UBE3D: variants seen among roughly 807,000 people sequenced by gnomAD.
The protein encoded by UBE3D is E3 ubiquitin-protein ligase E3D.
UBE3D carries 48 observed loss-of-function variants against 49.6 expected under a neutral mutation model. The ratio of observed to expected loss-of-function variants is 0.97; its 90% CI spans 0.77 to 1.23. UBE3D has a LOEUF of 1.23. Ranked by LOEUF, UBE3D falls within the 50% of genes most tolerant of loss-of-function variation. The pLI is 0.00. For synonymous variants in UBE3D, 189 were observed against 174.2 expected, an observed-to-expected ratio of 1.08 and a Z score of -0.67; for missense variants, 452 against 468.4, an observed-to-expected ratio of 0.96 and a Z score of 0.32.
At position 82,940,900 on chromosome 6, in the gene UBE3D, T is replaced by A. The variant is rs1440641180; in HGVS notation, c.1149+16412A>T. Among the ~76,000 whole-genome samples the A allele has an allele frequency of 2.0e-5, 3 of 152,242 alleles. No individual in the cohort carries two copies. The East Asian group carries it at 5.8e-4, about 29-fold the overall frequency. ...TTGTGTGTGCGTGTATAAGCAGATATTAAAAATAGGACTAAGAATTACTCT... is the reference window on the plus strand; with the variant it reads ...TTGTGTGTGCGTGTATAAGCAGATAATAAAAATAGGACTAAGAATTACTCT... On this transcript the variant is annotated intron_variant, in intron 9 of 9. Coordinates refer to ENST00000369747, the MANE Select transcript of UBE3D (RefSeq NM_198920.3).
chr6:83,016,883 G>C (rs1283342686), intron 8 of UBE3D, among the ~76,000 whole-genome samples: 1 of 152,066 alleles, frequency 6.6e-6, no homozygotes, highest in Non-Finnish European at 1.5e-5. Context: ...AGGCTGGGAG[G>C]CTAAGCCAAT....
intron 4 of UBE3D, 30 bp from the exon 5 acceptor site, chr6:83,038,515 T>A: frequency 1.3e-6 from 2 of 1,553,674 alleles, no homozygotes; most frequent in Non-Finnish European, 1.8e-6. Context: ...CATTTAAATG[T>A]CATTCAGCTT....
At chr6:83,021,624 T>C (rs550129729) in intron 7 of UBE3D, among the ~76,000 whole-genome samples, 2 of 151,876 alleles carry the variant, frequency 1.3e-5, no homozygotes, top group African/African-American at 2.4e-5. Context: ...CCCAGCATTT[T>C]GGGAGGCCGA....
chr6:82,995,949 C>A (rs1474460470), intron 8 of UBE3D, among the ~76,000 whole-genome samples: 1 of 152,068 alleles, frequency 6.6e-6, no homozygotes, highest in East Asian at 1.9e-4. Flanking sequence ...CACATGCAAT[C>A]CCAGCTACTG....
chr6:83,045,041 G>A (rs1782938410), intron 3 of UBE3D, among the ~76,000 whole-genome samples: 1 of 152,094 alleles, frequency 6.6e-6, no homozygotes, highest in South Asian at 2.1e-4. Flanking sequence ...TATTCCATAA[G>A]TACATCAAAA....
intron 9 of UBE3D, among the ~76,000 whole-genome samples, chr6:82,934,184 T>C (rs911397341): frequency 6.6e-6 from 1 of 152,176 alleles, no homozygotes; most frequent in African/African-American, 2.4e-5. Context: ...CCCACCGCCA[T>C]GTAAGACATG....
chr6:82,882,050 A>G, the UBE3D span, among the ~76,000 whole-genome samples: 1 of 152,112 alleles, frequency 6.6e-6, no homozygotes, highest in African/African-American at 2.4e-5. Flanking sequence ...TGCTCTCCAA[A>G]GGAACCGATT....
the UBE3D span, among the ~76,000 whole-genome samples, chr6:82,884,488 A>G: frequency 6.6e-6 from 1 of 152,154 alleles, no homozygotes; most frequent in Non-Finnish European, 1.5e-5. Flanking sequence ...TTCAATAGTA[A>G]GTGAGGATAA....
Position 82,947,442 on chromosome 6 carries a change from T to A in UBE3D, c.1149+9870A>T, listed in dbSNP as rs1287771094. On this transcript the variant is annotated intron_variant, in intron 9 of 9. Transcript: ENST00000369747. Reference sequence around the variant, plus strand: ...AACTTAATCTGCACTATGGACCAAATAAACCTAAAAGATACTTACAGAACA... The same window carrying A: ...AACTTAATCTGCACTATGGACCAAAAAAACCTAAAAGATACTTACAGAACA... Among the ~76,000 whole-genome samples, 3 of 152,066 alleles carry A rather than the reference T, an allele frequency of 2.0e-5. No individual in the cohort carries two copies. In the East Asian group the frequency reaches 5.8e-4, roughly 29 times the overall value.
intron 9 of UBE3D, among the ~76,000 whole-genome samples, chr6:82,917,304 GA>G (rs1772990300): frequency 6.6e-6 from 1 of 152,096 alleles, no homozygotes; most frequent in South Asian, 2.1e-4. Context: ...ACAGGAGGGG[GA>G]AGCCCCTGAG....
chr6:83,041,457 G>T lies in UBE3D; in HGVS notation c.597+2971C>A, dbSNP rs112412291. 9.7e-3 allele frequency among the ~76,000 whole-genome samples: 1,471 copies of T among 152,264 alleles called. 22 individuals are homozygous for T. The highest frequency in any genetic ancestry group is 0.034 in the African/African-American group (1,393 of 41,552). On this transcript the variant is annotated intron_variant, in intron 4 of 9. Transcript: ENST00000369747. Reference sequence around the variant, plus strand: ...GATAAAATCTGTATATGGCCTGGTAGTATATCATCAAGGAATAATTGTTAA... The same window carrying T: ...GATAAAATCTGTATATGGCCTGGTATTATATCATCAAGGAATAATTGTTAA...
At chr6:83,002,405 C>A (rs896989186) in intron 8 of UBE3D, among the ~76,000 whole-genome samples, 1 of 152,124 alleles carries the variant, frequency 6.6e-6, no homozygotes, top group African/African-American at 2.4e-5. Flanking sequence ...GGCTAGTGGG[C>A]CAAGCGTGTT....
intron 9 of UBE3D, among the ~76,000 whole-genome samples, chr6:82,940,905 A>C (rs1774960221): frequency 6.6e-6 from 1 of 152,202 alleles, no homozygotes; most frequent in South Asian, 2.1e-4. Flanking sequence ...AGATATTAAA[A>C]ATAGGACTAA....
At chr6:83,038,066 AAAG>A (rs200231709) in intron 5 of UBE3D, 3,200 of 155,354 alleles carry the variant, frequency 0.021, 95 homozygotes, top group African/African-American at 0.073. Flanking sequence ...AAAAAAAAAA[AAAG>A]AAGAAGAAGA....
chr6:83,009,467 A>G (rs1780200687), intron 8 of UBE3D, among the ~76,000 whole-genome samples: 1 of 151,706 alleles, frequency 6.6e-6, no homozygotes, highest in Non-Finnish European at 1.5e-5. Flanking sequence ...AATTCCAGTG[A>G]AATAATCAAA....
At chr6:82,989,063 T>C (rs1778708584) in intron 8 of UBE3D, among the ~76,000 whole-genome samples, 1 of 152,012 alleles carries the variant, frequency 6.6e-6, no homozygotes, top group African/African-American at 2.4e-5. Flanking sequence ...TATGTGTCAT[T>C]TATAGATAAG....
At chr6:82,900,116 T>G (rs1448691336) in intron 9 of UBE3D, among the ~76,000 whole-genome samples, 2 of 152,224 alleles carry the variant, frequency 1.3e-5, no homozygotes, top group Non-Finnish European at 2.9e-5. Flanking sequence ...GTGGCACTGC[T>G]GCAGCTTTGG....
chr6:82,944,616 A>G (rs908457571), intron 9 of UBE3D, among the ~76,000 whole-genome samples: 1 of 152,236 alleles, frequency 6.6e-6, no homozygotes, highest in African/African-American at 2.4e-5. Flanking sequence ...CTTGCACTTT[A>G]GGTACTAGCT....
chr6:83,060,196 T>C (rs1455885256), intron 1 of UBE3D, among the ~76,000 whole-genome samples: 2 of 151,926 alleles, frequency 1.3e-5, no homozygotes, highest in Non-Finnish European at 2.9e-5. Flanking sequence ...CATAACAGGG[T>C]CCAAGCAGGT....
Sources: gnomAD v4.1 joint callset for allele counts (sites outside exome capture counted in the v4.1 genomes callset) on GRCh38, gnomAD v4.1.1 for gene constraint, MANE v1.5 for transcripts, NCBI Gene and HGNC (gene_info 2026-07-23, HGNC 2026-07-21) for gene names.